The following NAA16 variants were observed in gnomAD, a reference collection of about 807,000 sequenced individuals.
NAA16 encodes the protein NARG1-like protein.
A neutral mutation model predicts 110.3 loss-of-function variants in NAA16; 97 were observed. The observed-to-expected ratio is 0.88, with a 90% CI of 0.75 to 1.04. The LOEUF (loss-of-function observed/expected upper bound fraction) is 1.04, where lower values mean the gene tolerates loss of function less well. NAA16 is among the 50% of genes least tolerant of loss of function. The pLI is 0.00. For synonymous variants in NAA16, 372 were observed against 330.6 expected, an observed-to-expected ratio of 1.13 and a Z score of -1.36; for missense variants, 1,017 against 1,005.1, an observed-to-expected ratio of 1.01 and a Z score of -0.16.
Position 41,358,981 on chromosome 13 carries a change from G to T in NAA16, c.1410+19G>T. 6.3e-7 allele frequency: 1 copy of T among 1,576,022 alleles called. No individual in the cohort carries two copies. Among genetic ancestry groups the T allele is most frequent in the South Asian group, 1.2e-5 (1 of 86,862 alleles). On this transcript the variant is annotated intron_variant, in intron 12 of 19. Transcript: ENST00000379406. ...CACAAGGGTAGGAAATAGCATGCAT[G>T]AGCATGTAATTGTCTAAATTAAGAC... is the stretch of plus-strand genomic sequence containing the variant.
At chr13:41,359,161 G>C (rs1008616770) in intron 12 of NAA16, among the ~76,000 whole-genome samples, 199 bp downstream of exon 12, 1 of 152,056 alleles carries the variant, frequency 6.6e-6, no homozygotes, top group Non-Finnish European at 1.5e-5. Flanking sequence ...ATATGTTTCT[G>C]GCAGGGGATG....
chr13:41,351,808 G>A (rs1178977393), intron 9 of NAA16, among the ~76,000 whole-genome samples: 1 of 152,116 alleles, frequency 6.6e-6, no homozygotes, highest in Admixed American at 6.5e-5. Flanking sequence ...GGCCATTTAT[G>A]TTTTTGTTGC....
Position 41,372,765 on chromosome 13 carries a change from G to A in NAA16, c.2090G>A (p.Arg697Gln), listed in dbSNP as rs2043348025. Residue 697 changes from arginine to glutamine, a missense_variant, in exon 17 of 20, where the codon CGA (arginine) becomes CAA (glutamine). By Grantham distance (43) the Arg-to-Gln change is conservative. Transcript: ENST00000379406. ...KFLLMLQSVK[R>Q]AFAINSNNPW... Reference sequence around the variant, plus strand: ...CTGTTAATGCTGCAGTCTGTCAAACGAGCTTTTGCCATTAACAGTAATAAC... The same window carrying A: ...CTGTTAATGCTGCAGTCTGTCAAACAAGCTTTTGCCATTAACAGTAATAAC... The A allele has an allele frequency of 6.2e-7, 1 of 1,602,210 alleles. No individual in the cohort carries two copies. The highest frequency in any genetic ancestry group is 1.1e-5 in the South Asian group (1 of 89,268).
At position 41,373,644 on chromosome 13, in the gene NAA16, T is replaced by A; in HGVS notation, c.2163T>A (p.Asn721Lys). Residue 721 changes from asparagine (N) to lysine (K), a missense_variant, in exon 18 of 20, where the codon AAT becomes AAA. Coordinates refer to ENST00000379406, the MANE Select transcript of NAA16 (RefSeq NM_024561.5). ...CLIRFSKSVS[N>K]HSNLPDIVSK... ...ATGTTTTTGTTTTTATAGTGTCTAATCATAGTAATCTTCCAGACATTGTGA... is the reference window on the plus strand; with the variant it reads ...ATGTTTTTGTTTTTATAGTGTCTAAACATAGTAATCTTCCAGACATTGTGA... 1 of 1,598,090 alleles carries A rather than the reference T, an allele frequency of 6.3e-7. No individual in the cohort carries two copies. The highest frequency in any genetic ancestry group is 8.5e-7 in the Non-Finnish European group (1 of 1,173,966).
At chr13:41,352,426 G>A (rs7337188) in intron 9 of NAA16, among the ~76,000 whole-genome samples, 4,411 of 152,086 alleles carry the variant, frequency 0.029, 200 homozygotes, top group African/African-American at 0.098. Context: ...AGGCCTAGGT[G>A]GGCGGGTCAC....
intron 6 of NAA16, 134 bp downstream of exon 6, chr13:41,325,985 T>A: frequency 3.3e-6 from 2 of 608,042 alleles, no homozygotes; most frequent in Non-Finnish European, 5.3e-6. Context: ...AAGCCATTAT[T>A]AACTAGTTTA....
rs140085219 is a variant in NAA16, at chr13:41,368,744, G to A, written c.1754-346G>A. On this transcript the variant is annotated intron_variant, in intron 14 of 19. Transcript: ENST00000379406. Reference sequence around the variant, plus strand: ...ATTAGTATTTCCTGAACAATGCAGTGTAACAACTATTTACATAGCATTTAC... The same window carrying A: ...ATTAGTATTTCCTGAACAATGCAGTATAACAACTATTTACATAGCATTTAC... Among the ~76,000 whole-genome samples, 507 of 152,240 alleles carry A rather than the reference G, an allele frequency of 3.3e-3. 2 individuals carry two copies. Among genetic ancestry groups the A allele is most frequent in the African/African-American group, 0.011 (436 of 41,522 alleles).
chr13:41,340,745 C>T (rs564684191), intron 9 of NAA16, among the ~76,000 whole-genome samples: 14 of 147,294 alleles, frequency 9.5e-5, no homozygotes, highest in South Asian at 2.2e-4. Context: ...GGTGCGATCT[C>T]GGCTCACTGC....
chr13:41,320,320 A>G (rs1478606977), intron 3 of NAA16, among the ~76,000 whole-genome samples: 1 of 152,226 alleles, frequency 6.6e-6, no homozygotes, highest in Non-Finnish European at 1.5e-5. Flanking sequence ...CTGGGGTAGG[A>G]AAGTGATGGG....
chr13:41,346,358 T>C (rs2042680411), intron 9 of NAA16, among the ~76,000 whole-genome samples: 1 of 152,256 alleles, frequency 6.6e-6, no homozygotes, highest in South Asian at 2.1e-4. Flanking sequence ...TTTATTGTTT[T>C]CTATTATTCT....
chr13:41,337,531 A>T (rs543890476), intron 9 of NAA16, among the ~76,000 whole-genome samples: 1 of 128,486 alleles, frequency 7.8e-6, no homozygotes, highest in Admixed American at 8.4e-5. Context: ...TGACAGAGCG[A>T]GACTCCGTCT....
intron 9 of NAA16, among the ~76,000 whole-genome samples, chr13:41,352,366 A>G (rs9594528): frequency 0.077 from 11,763 of 152,022 alleles, 543 homozygotes; most frequent in East Asian, 0.2. Context: ...AAGTAACTAT[A>G]AATTTTGGCT....
intron 7 of NAA16, among the ~76,000 whole-genome samples, chr13:41,330,350 G>C (rs868724370): frequency 2.0e-5 from 3 of 151,784 alleles, no homozygotes; most frequent in Non-Finnish European, 4.4e-5. Context: ...TATTAATCTT[G>C]AATATCAATA....
rs2043426755 is a variant in NAA16 at position 41,376,366 on chromosome 13, C to T, written c.*764C>T. ...TCGTCCTTTTTTCATTGTAATATTTCATGGTTTACTATTTCCTTTTAGTAT... is the reference window on the plus strand; with the variant it reads ...TCGTCCTTTTTTCATTGTAATATTTTATGGTTTACTATTTCCTTTTAGTAT... On this transcript the variant is annotated 3_prime_UTR_variant, in exon 20 of 20. Transcript: ENST00000379406. 6.6e-6 allele frequency: 1 copy of T among 152,146 alleles called. No individual in the cohort carries two copies. The highest frequency in any genetic ancestry group is 2.4e-5 in the African/African-American group (1 of 41,428). 9.4% of individuals were successfully genotyped at this position (152,146 alleles called of 1,614,324 possible). A position where few individuals can be genotyped will look rare whatever the true frequency, so the allele number is the denominator to read the frequency against.
Position 41,375,640 on chromosome 13 carries a change from G to T in NAA16, c.*38G>T. 1 of 1,455,142 alleles carries T rather than the reference G, an allele frequency of 6.9e-7. No homozygotes were observed. Among genetic ancestry groups the T allele is most frequent in the Non-Finnish European group, 9.4e-7 (1 of 1,069,336 alleles). 90.1% of individuals were successfully genotyped at this position (1,455,142 alleles called of 1,614,324 possible). On this transcript the variant is annotated 3_prime_UTR_variant, in exon 20 of 20. Transcript: ENST00000379406. The stretch of plus-strand genomic sequence containing the variant: ...AGTAGACTCCTATAGACTCAAAGCT[G>T]AATTGAGATCAGGGTTTCTTTTCCA...
At chr13:41,324,957 GTTTT>G (rs145690016) in intron 5 of NAA16, among the ~76,000 whole-genome samples, 1 of 119,432 alleles carries the variant, frequency 8.4e-6, no homozygotes. Context: ...TTTTAGTTTA[GTTTT>G]TTTTTTTTTT....
intron 4 of NAA16, 26 bp downstream of exon 4, chr13:41,320,850 A>G (rs553261885): frequency 3.8e-6 from 6 of 1,561,874 alleles, no homozygotes; most frequent in South Asian, 2.4e-5. Flanking sequence ...TTAAATGTAC[A>G]TGATTTTACA....
At chr13:41,362,288 T>A in intron 13 of NAA16, 129 bp downstream of exon 13, 1 of 918,092 alleles carries the variant, frequency 1.1e-6, no homozygotes, top group Non-Finnish European at 1.6e-6. Flanking sequence ...TCTTGATCTT[T>A]AACCTTTACA....
At chr13:41,311,769 T>C (rs1322795967) in intron 1 of NAA16, among the ~76,000 whole-genome samples, 187 bp downstream of exon 1, 1 of 152,144 alleles carries the variant, frequency 6.6e-6, no homozygotes, top group African/African-American at 2.4e-5. Context: ...GCCGAGCCGC[T>C]CCTCCGTGCG....
Sources: gnomAD v4.1 joint callset for allele counts (sites outside exome capture counted in the v4.1 genomes callset) on GRCh38, gnomAD v4.1.1 for gene constraint, MANE v1.5 for transcripts, NCBI Gene and HGNC (gene_info 2026-07-23, HGNC 2026-07-21) for gene names.